FMNL2: variants seen among roughly 807,000 people sequenced by gnomAD.
FMNL2 encodes the protein formin-like protein 2.
FMNL2 carries 51 observed loss-of-function variants against 130.2 expected under a neutral mutation model. That is an observed-to-expected ratio of 0.39 (90% CI 0.31 to 0.49). The LOEUF is 0.49. FMNL2 is among the 20% of genes least tolerant of loss of function. The pLI is 0.85. For synonymous variants in FMNL2, 465 were observed against 467.1 expected, an observed-to-expected ratio of 1.00 and a Z score of 0.06; for missense variants, 977 against 1,316.2, an observed-to-expected ratio of 0.74 and a Z score of 3.99.
chr2:152,580,901 T>TG lies in FMNL2; in HGVS notation c.783-54dup, dbSNP rs199907742. ...ATGTATCTTGGAAGGAAGAAACAGC[T>TG]GACTCATCATGCCATTTTCACTGAT... On this transcript the variant is annotated intron_variant, in intron 8 of 25. Coordinates refer to ENST00000288670, the MANE Select transcript of FMNL2 (RefSeq NM_052905.4). The TG allele has an allele frequency of 1.8e-4, 271 of 1,490,848 alleles. 6 individuals carry two copies. In the East Asian group the frequency reaches 6.1e-3, roughly 33 times the overall value. The allele number at this position is 1,490,848 out of a possible 1,614,324, so 92.4% of individuals were successfully genotyped here. A position where few individuals can be genotyped will look rare whatever the true frequency, so the allele number is the denominator to read the frequency against.
chr2:152,431,429 A>C (rs1687484796), intron 1 of FMNL2, among the ~76,000 whole-genome samples: 1 of 152,260 alleles, frequency 6.6e-6, no homozygotes, highest in Admixed American at 6.5e-5. Context: ...CAAAAGGCTC[A>C]GCTTTTCAGC....
chr2:152,632,286 G>A, intron 21 of FMNL2, 149 bp downstream of exon 21: 2 of 1,049,844 alleles, frequency 1.9e-6, no homozygotes, highest in East Asian at 5.0e-5. Flanking sequence ...CATCGGCCGT[G>A]GTGTTGTCCA....
intron 1 of FMNL2, among the ~76,000 whole-genome samples, chr2:152,508,816 A>G (rs1692325892): frequency 6.6e-6 from 1 of 152,200 alleles, no homozygotes; most frequent in Non-Finnish European, 1.5e-5. Context: ...GAGGGTCAAT[A>G]CAGTCAGATT....
intron 1 of FMNL2, among the ~76,000 whole-genome samples, chr2:152,374,554 A>C (rs540558345): frequency 6.6e-6 from 1 of 152,330 alleles, no homozygotes; most frequent in South Asian, 2.1e-4. Context: ...CATCAAATGA[A>C]AATGACGCGG....
At chr2:152,500,586 AC>A (rs1295318725) in intron 1 of FMNL2, among the ~76,000 whole-genome samples, 1 of 152,236 alleles carries the variant, frequency 6.6e-6, no homozygotes, top group Admixed American at 6.5e-5. Flanking sequence ...GCGATGGCTC[AC>A]GCCTGTAATC....
intron 1 of FMNL2, among the ~76,000 whole-genome samples, chr2:152,402,018 C>T (rs1313086808): frequency 3.3e-5 from 5 of 149,494 alleles, no homozygotes; most frequent in African/African-American, 9.9e-5. Context: ...TGCCATTCTC[C>T]TGCCTCAGCC....
At chr2:152,341,330 G>A (rs1206947626) in intron 1 of FMNL2, among the ~76,000 whole-genome samples, 1 of 152,146 alleles carries the variant, frequency 6.6e-6, no homozygotes, top group Non-Finnish European at 1.5e-5. Flanking sequence ...AATAATACCA[G>A]TAAAAACTGT....
rs569231077 is a variant in FMNL2, at chr2:152,430,876, A to AATAT, written c.118-91054_118-91051dup. ...TGACAGAGTGAGACTTGGTCTCGAA[A>AATAT]ATATATATATATATATGTTTATTTC... On this transcript the variant is annotated intron_variant, in intron 1 of 25. Coordinates refer to ENST00000288670, the MANE Select transcript of FMNL2 (RefSeq NM_052905.4). 2.1e-4 allele frequency among the ~76,000 whole-genome samples: 32 copies of AATAT among 150,468 alleles called. 1 individual carries two copies. The highest frequency in any genetic ancestry group is 2.4e-4 in the African/African-American group (10 of 40,998).
At chr2:152,624,943 C>T (rs1681674945) in intron 15 of FMNL2, among the ~76,000 whole-genome samples, 2 of 152,178 alleles carry the variant, frequency 1.3e-5, no homozygotes, top group Admixed American at 6.5e-5. Flanking sequence ...GCCTTCATGA[C>T]GTTGTACTTC....
At chr2:152,389,455 G>A (rs1684974600) in intron 1 of FMNL2, among the ~76,000 whole-genome samples, 1 of 152,150 alleles carries the variant, frequency 6.6e-6, no homozygotes, top group African/African-American at 2.4e-5. Context: ...TACATTTAGG[G>A]GTTAGGTTTC....
At chr2:152,522,116 A>C in intron 2 of FMNL2, 90 bp downstream of exon 2, 5 of 1,056,110 alleles carry the variant, frequency 4.7e-6, no homozygotes, top group Non-Finnish European at 7.0e-6. Context: ...TCATGATTGA[A>C]AAACAAGATA....
chr2:152,591,024 T>TTTTTTTTTTTTTTTTTTTTTTTTG (rs1558989613), intron 9 of FMNL2, among the ~76,000 whole-genome samples: 1 of 94,960 alleles, frequency 1.1e-5, no homozygotes, highest in African/African-American at 4.3e-5. Flanking sequence ...TTTTTTTTTT[T>TTTTTTTTTTTTTTTTTTTTTTTTG]GAGACAGCAT....
At chr2:152,500,986 G>A (rs1189908334) in intron 1 of FMNL2, among the ~76,000 whole-genome samples, 6 of 152,240 alleles carry the variant, frequency 3.9e-5, no homozygotes, top group African/African-American at 1.2e-4. Flanking sequence ...GGCGCCACTC[G>A]GCTTTAGCCC....
rs144244784 is a variant in FMNL2, at chr2:152,642,533, T to C, written c.3169+1619T>C. 2.4e-3 allele frequency among the ~76,000 whole-genome samples: 364 copies of C among 152,330 alleles called. 1 individual carries two copies. The highest frequency in any genetic ancestry group is 6.9e-3 in the Admixed American group (105 of 15,304). On this transcript the variant is annotated intron_variant, in intron 25 of 25. Coordinates refer to ENST00000288670, the MANE Select transcript of FMNL2 (RefSeq NM_052905.4). ...TCAGTGTACATAGTGCAGTGGCTTA[T>C]AGATGCCCCCCAGATAAAACCTTCA...
intron 9 of FMNL2, among the ~76,000 whole-genome samples, chr2:152,586,844 G>A (rs1043448374): frequency 4.6e-5 from 7 of 152,054 alleles, no homozygotes; most frequent in Non-Finnish European, 1.0e-4. Context: ...CTGTGGATAC[G>A]AAAGTACCCC....
At chr2:152,562,161 G>A (rs974064378) in intron 6 of FMNL2, among the ~76,000 whole-genome samples, 1 of 152,172 alleles carries the variant, frequency 6.6e-6, no homozygotes, top group African/African-American at 2.4e-5. Context: ...GTTTGTAACG[G>A]TTTCTGTGGT....
At chr2:152,442,979 G>A (rs190470738) in intron 1 of FMNL2, among the ~76,000 whole-genome samples, 78 of 152,264 alleles carry the variant, frequency 5.1e-4, no homozygotes, top group African/African-American at 1.3e-3. Flanking sequence ...CGCTCGGGCC[G>A]CAGCAGGAAT....
At chr2:152,645,382 C>A in intron 25 of FMNL2, 1 of 1,076,876 alleles carries the variant, frequency 9.3e-7, no homozygotes, top group South Asian at 1.3e-5. Flanking sequence ...TTTCCATTTT[C>A]ATCCCATTTT....
chr2:152,639,191 G>A (rs1682878297), intron 23 of FMNL2, among the ~76,000 whole-genome samples: 1 of 152,160 alleles, frequency 6.6e-6, no homozygotes, highest in Non-Finnish European at 1.5e-5. Context: ...CAGAGGTTGG[G>A]GTTTTAGGAC....
Sources: gnomAD v4.1 joint callset for allele counts (sites outside exome capture counted in the v4.1 genomes callset) on GRCh38, gnomAD v4.1.1 for gene constraint, MANE v1.5 for transcripts, NCBI Gene and HGNC (gene_info 2026-07-23, HGNC 2026-07-21) for gene names.